Variants in PDCD6 observed in about 807,000 individuals in gnomAD.
The protein encoded by PDCD6 is programmed cell death 6.
In PDCD6, 12 loss-of-function variants were observed where a neutral mutation model predicts 28.3. That is an observed-to-expected ratio of 0.42 (90% CI 0.27 to 0.69). PDCD6 has a LOEUF of 0.69. Among genes scored for constraint, PDCD6 ranks in the 30% least tolerant of loss-of-function variants. The pLI, the probability that PDCD6 is intolerant of heterozygous loss-of-function variation, is 0.22. For synonymous variants in PDCD6, 92 were observed against 108.0 expected, an observed-to-expected ratio of 0.85 and a Z score of 0.92; for missense variants, 226 against 269.9, an observed-to-expected ratio of 0.84 and a Z score of 1.14.
intron 1 of PDCD6, among the ~76,000 whole-genome samples, chr5:272,339 C>G (rs1579466685): frequency 6.7e-6 from 1 of 148,232 alleles, no homozygotes; most frequent in Admixed American, 6.7e-5. Flanking sequence ...GCGGCGCCTT[C>G]TGTCCCTGGT....
intron 4 of PDCD6, chr5:309,521 T>C: frequency 4.6e-6 from 1 of 219,414 alleles, no homozygotes; most frequent in South Asian, 5.0e-5. Flanking sequence ...TGTCAGCATC[T>C]CCTCTGTCCT....
intron 2 of PDCD6, 175 bp downstream of exon 2, chr5:272,947 A>T: frequency 7.9e-7 from 1 of 1,263,738 alleles, no homozygotes; most frequent in Admixed American, 2.2e-5. Flanking sequence ...TACCGCTGTT[A>T]CTGCTTGGAG....
intron 1 of PDCD6, among the ~76,000 whole-genome samples, chr5:272,461 A>G (rs2126672268): frequency 7.1e-6 from 1 of 140,814 alleles, no homozygotes; most frequent in African/African-American, 2.9e-5. Flanking sequence ...GCAAATGGGA[A>G]TTCAGACAGG....
At chr5:296,446 G>C (rs1444114613) in intron 2 of PDCD6, among the ~76,000 whole-genome samples, 3 of 152,204 alleles carry the variant, frequency 2.0e-5, no homozygotes, top group Non-Finnish European at 4.4e-5. Flanking sequence ...ACAGACCTAA[G>C]TGGGAAGAGA....
chr5:306,710 A>T lies in PDCD6; in HGVS notation c.317A>T (p.Asn106Ile). The change falls in exon 4 of 6, where the codon AAC becomes ATC. Residue 106 changes from asparagine (N) to isoleucine (I), a missense_variant. This residue lies in a region of PDCD6 where 151 missense variants were observed against 177.2 expected (regional missense o/e 0.85). Coordinates refer to ENST00000264933, the MANE Select transcript of PDCD6 (RefSeq NM_013232.4). The stretch of plus-strand genomic sequence containing the variant: ...GTCTTCCGCACGTACGACCGGGACA[A>T]CTCCGGGATGATCGATAAGAACGAG... ...QNVFRTYDRD[N>I]SGMIDKNELK... The T allele has an allele frequency of 6.2e-7, 1 of 1,613,832 alleles. No individual in the cohort carries two copies. The highest frequency in any genetic ancestry group is 8.5e-7 in the Non-Finnish European group (1 of 1,180,004).
At chr5:277,912 CAAAAAAA>C (rs529926870) in intron 2 of PDCD6, among the ~76,000 whole-genome samples, 1 of 111,068 alleles carries the variant, frequency 9.0e-6, no homozygotes, top group Non-Finnish European at 1.8e-5. Flanking sequence ...GACTCCATCT[CAAAAAAA>C]AAAAAAAAAA....
intron 2 of PDCD6, among the ~76,000 whole-genome samples, chr5:275,432 G>C (rs1430354440): frequency 6.6e-6 from 1 of 152,220 alleles, no homozygotes; most frequent in Non-Finnish European, 1.5e-5. Context: ...CAGAAACTGT[G>C]GTGGCCGTTC....
chr5:306,295 C>G (rs572874635), intron 3 of PDCD6: 1 of 313,428 alleles, frequency 3.2e-6, no homozygotes, highest in East Asian at 6.0e-5. Context: ...TTCTTTCTGT[C>G]GTGGCTGCGG....
intron 2 of PDCD6, among the ~76,000 whole-genome samples, chr5:296,049 GTC>G (rs1437224516): frequency 1.3e-5 from 2 of 152,130 alleles, no homozygotes; most frequent in African/African-American, 2.4e-5. Context: ...GATCTGGTGA[GTC>G]TCTCTTCCTT....
chr5:273,692 TG>T (rs56171019), intron 2 of PDCD6, among the ~76,000 whole-genome samples: 36,463 of 151,750 alleles, frequency 0.24, 6,793 homozygotes, highest in African/African-American at 0.52. Flanking sequence ...GCGCTGTGGG[TG>T]GGGGGGTGCT....
In PDCD6 at chr5:305,300, C is replaced by G. The variant is rs1474772696; in HGVS notation, c.208+1079C>G. 6.6e-6 allele frequency: 1 copy of G among 152,298 alleles called. No individual in the cohort carries two copies. The highest frequency in any genetic ancestry group is 2.4e-5 in the African/African-American group (1 of 41,448). The allele number at this position is 152,298 out of a possible 1,614,324, so 9.4% of individuals were successfully genotyped here. The stretch of plus-strand genomic sequence containing the variant: ...CGGCCTGGGGCTCATTCCCTCGCCT[C>G]CCATCCATGCACGTGTTTTAGTCTT... On this transcript the variant is annotated intron_variant, in intron 3 of 5. Coordinates refer to ENST00000264933, the MANE Select transcript of PDCD6 (RefSeq NM_013232.4). The surrounding 1 kb of genome is among the most constrained non-coding windows in gnomAD (Gnocchi z 4.0).
intron 2 of PDCD6, among the ~76,000 whole-genome samples, chr5:299,432 A>T (rs1203763592): frequency 6.6e-6 from 1 of 150,414 alleles, no homozygotes. Context: ...TCCTAGCCCA[A>T]TTTCTGTGCT....
At chr5:290,428 C>T in intron 2 of PDCD6, 1 of 666,074 alleles carries the variant, frequency 1.5e-6, no homozygotes, top group Non-Finnish European at 2.7e-6. Flanking sequence ...GCACACACTC[C>T]CGCATGCAGG....
chr5:272,819 G>A (rs765332336), intron 2 of PDCD6, 47 bp downstream of exon 2: 2 of 1,555,480 alleles, frequency 1.3e-6, no homozygotes, highest in Non-Finnish European at 1.7e-6. Context: ...GAAGCCGCGA[G>A]CCTGCCCTGT....
At chr5:276,686 A>G (rs1355806927) in intron 2 of PDCD6, 1 of 980,044 alleles carries the variant, frequency 1.0e-6, no homozygotes, top group Non-Finnish European at 1.2e-6. Context: ...AAATTAATAT[A>G]TTACTGGTAG....
chr5:299,786 T>TGA (rs1739926268), intron 2 of PDCD6, among the ~76,000 whole-genome samples: 1 of 152,230 alleles, frequency 6.6e-6, no homozygotes, highest in Non-Finnish European at 1.5e-5. Context: ...CCTCACCTGG[T>TGA]GATCCGCCCG....
rs761773860 is a variant in PDCD6 at position 271,788 on chromosome 5, C to G, written c.68C>G (p.Pro23Arg). The change falls in exon 1 of 6, where the codon CCG becomes CGG. Residue 23 changes from proline (P) to arginine (R), a missense_variant. Physicochemically the swap from Pro to Arg is moderately radical, Grantham distance 103. This residue lies in a region of PDCD6 where 72 missense variants were observed against 71.4 expected (regional missense o/e 1.01). Coordinates refer to ENST00000264933, the MANE Select transcript of PDCD6 (RefSeq NM_013232.4). ...GGGCCTGCTGCAGGCGCGGCGCTGCCGGACCAGAGCTTCCTGTGGAACGTT... is the reference window on the plus strand; with the variant it reads ...GGGCCTGCTGCAGGCGCGGCGCTGCGGGACCAGAGCTTCCTGTGGAACGTT... ...GPGPAAGAAL[P>R]DQSFLWNVFQ... 1 of 1,473,806 alleles carries G rather than the reference C, an allele frequency of 6.8e-7. No homozygotes were observed. Among genetic ancestry groups the G allele is most frequent in the Non-Finnish European group, 8.9e-7 (1 of 1,118,164 alleles). 91.3% of individuals were successfully genotyped at this position (1,473,806 alleles called of 1,614,324 possible).
At chr5:314,109 G>T (rs909908565) in intron 5 of PDCD6, among the ~76,000 whole-genome samples, 1 of 152,226 alleles carries the variant, frequency 6.6e-6, no homozygotes, top group Non-Finnish European at 1.5e-5. Context: ...CGGTCTTCAG[G>T]GGGAGAAGGA....
At chr5:303,207 C>T (rs1486036298) in intron 2 of PDCD6, among the ~76,000 whole-genome samples, 2 of 151,750 alleles carry the variant, frequency 1.3e-5, no homozygotes, top group Non-Finnish European at 2.9e-5. Flanking sequence ...GCAGACCCCA[C>T]CGCCCGTGCT....
Sources: gnomAD v4.1 joint callset for allele counts (sites outside exome capture counted in the v4.1 genomes callset) on GRCh38, gnomAD v4.1.1 for gene constraint, gnomAD v4.1.1 regional missense constraint, Gnocchi (gnomAD v3.1) non-coding constraint, MANE v1.5 for transcripts, NCBI Gene and HGNC (gene_info 2026-07-23, HGNC 2026-07-21) for gene names.